KAZN: variants seen among roughly 807,000 people sequenced by gnomAD.
KAZN encodes kazrin.
A neutral mutation model predicts 87.4 loss-of-function variants in KAZN; 40 were observed. The observed-to-expected ratio is 0.46, with a 90% CI of 0.36 to 0.60. The LOEUF (loss-of-function observed/expected upper bound fraction) is 0.60, where lower values mean the gene tolerates loss of function less well. Ranked by LOEUF, KAZN falls within the 20% of genes least tolerant of loss-of-function variation. The pLI, the probability that KAZN is intolerant of heterozygous loss-of-function variation, is 0.00. For missense variants in KAZN, 898 were observed against 1,073.9 expected, an observed-to-expected ratio of 0.84 and a Z score of 2.29; for synonymous variants, 466 against 458.3, an observed-to-expected ratio of 1.02 and a Z score of -0.22.
intron 2 of KAZN, among the ~76,000 whole-genome samples, chr1:14,962,045 G>A (rs1557664897): frequency 6.6e-6 from 1 of 152,216 alleles, no homozygotes. Flanking sequence ...TAGCTAGGTG[G>A]CCTTGTCCCA....
At chr1:14,855,679 A>G (rs531868965) in intron 1 of KAZN, among the ~76,000 whole-genome samples, 4 of 152,322 alleles carry the variant, frequency 2.6e-5, no homozygotes, top group African/African-American at 9.6e-5. Flanking sequence ...ACTAGCTCAT[A>G]TTGAACTGCT....
At chr1:14,241,550 C>G (rs906518940) in intron 2 of KAZN, among the ~76,000 whole-genome samples, 2 of 152,186 alleles carry the variant, frequency 1.3e-5, no homozygotes, top group African/African-American at 4.8e-5. Flanking sequence ...AAGGACTTAG[C>G]ATTCATTTCT....
intron 2 of KAZN, among the ~76,000 whole-genome samples, chr1:14,244,233 C>T (rs2100587608): frequency 6.6e-6 from 1 of 152,268 alleles, no homozygotes; most frequent in Non-Finnish European, 1.5e-5. Context: ...ATCATTTTTG[C>T]TCTGAGTCCT....
chr1:14,600,347 T>G (rs934576644), intron 1 of KAZN, among the ~76,000 whole-genome samples: 2 of 152,172 alleles, frequency 1.3e-5, no homozygotes, highest in Non-Finnish European at 2.9e-5. Context: ...GAGTCTGTTT[T>G]CCTAAGAATC....
intron 1 of KAZN, among the ~76,000 whole-genome samples, chr1:14,826,775 A>G (rs1481994421): frequency 6.6e-6 from 1 of 152,086 alleles, no homozygotes; most frequent in Admixed American, 6.5e-5. Context: ...CCTGTTTCCC[A>G]TTGGTAAGCC....
intron 2 of KAZN, among the ~76,000 whole-genome samples, chr1:14,550,007 GA>G (rs1295664859): frequency 1.3e-5 from 2 of 152,228 alleles, no homozygotes; most frequent in Non-Finnish European, 2.9e-5. Context: ...AAGATTTTCA[GA>G]TTCAAAATGA....
At chr1:15,053,900 G>A (rs1674672605) in intron 4 of KAZN, among the ~76,000 whole-genome samples, 1 of 152,234 alleles carries the variant, frequency 6.6e-6, no homozygotes, top group African/African-American at 2.4e-5. Context: ...CCTGGAAGCT[G>A]GCAGTGGGAG....
At chr1:14,979,671 C>T (rs1429381031) in intron 2 of KAZN, among the ~76,000 whole-genome samples, 5 of 151,820 alleles carry the variant, frequency 3.3e-5, no homozygotes, top group Non-Finnish European at 7.4e-5. Flanking sequence ...GGGAAGGGGC[C>T]CTGAGGACTT....
At position 14,523,853 on chromosome 1, in the gene KAZN, T is replaced by G. The variant is rs1181161687; in HGVS notation, c.250-75130T>G. Among the ~76,000 whole-genome samples the G allele has an allele frequency of 3.3e-4, 50 of 152,128 alleles. 1 individual carries two copies. The highest frequency in any genetic ancestry group is 3.3e-3 in the Admixed American group (50 of 15,266). On this transcript the variant is annotated intron_variant, in intron 2 of 16. Transcript: ENST00000636203. ...GAGACCATGATGTTGAGGAAGGGGC[T>G]CAAGGGGGCTTACAGACATGGCAGA...
At chr1:14,044,148 A>G (rs1185031538) in intron 1 of KAZN, among the ~76,000 whole-genome samples, 2 of 152,022 alleles carry the variant, frequency 1.3e-5, no homozygotes, top group African/African-American at 2.4e-5. Context: ...TTGAGTCTCC[A>G]TCTGACTCCA....
rs1652490542 is a variant in KAZN at position 14,874,209 on chromosome 1, G to T, written c.227-86475G>T. Among the ~76,000 whole-genome samples, 4 of 152,300 alleles carry T rather than the reference G, an allele frequency of 2.6e-5. No individual in the cohort carries two copies. In the South Asian group the frequency reaches 8.3e-4, roughly 32 times the overall value. Reference sequence around the variant, plus strand: ...AGTACAGATAGAGAATCCAAGGATTGAGCTCTGGAGTCCTCCAACATTTGG... The same window carrying T: ...AGTACAGATAGAGAATCCAAGGATTTAGCTCTGGAGTCCTCCAACATTTGG... On this transcript the variant is annotated intron_variant, in intron 1 of 14. Coordinates refer to ENST00000376030, the MANE Select transcript of KAZN (RefSeq NM_201628.3).
At chr1:14,235,672 A>C (rs1170588524) in intron 2 of KAZN, among the ~76,000 whole-genome samples, 1 of 152,232 alleles carries the variant, frequency 6.6e-6, no homozygotes, top group Non-Finnish European at 1.5e-5. Context: ...TAAAGATGAC[A>C]TAGTGACATT....
rs533922366 is a variant in KAZN at position 14,434,635 on chromosome 1, T to C, written c.250-164348T>C. Among the ~76,000 whole-genome samples the C allele has an allele frequency of 2.7e-4, 41 of 152,268 alleles. No individual in the cohort carries two copies. The South Asian group carries it at 8.1e-3, about 30-fold the overall frequency. On this transcript the variant is annotated intron_variant, in intron 2 of 16. Coordinates refer to the KAZN transcript ENST00000636203. ...CTGGGGAGCAGGAAGCAGGACCATT[T>C]TGGGAAACCTTAGAATGGAGAAGAG...
intron 2 of KAZN, among the ~76,000 whole-genome samples, chr1:14,468,383 A>G (rs754274640): frequency 5.3e-5 from 8 of 152,156 alleles, no homozygotes; most frequent in Non-Finnish European, 7.3e-5. Context: ...GGTCTTACTC[A>G]AGCCATGAAA....
intron 1 of KAZN, among the ~76,000 whole-genome samples, chr1:14,711,165 C>T (rs2148820782): frequency 6.6e-6 from 1 of 152,232 alleles, no homozygotes; most frequent in African/African-American, 2.4e-5. Context: ...TGCCCTCCAG[C>T]CTGGGGGACA....
rs1232916922 is a variant in KAZN, at chr1:14,836,947, C to T, written c.227-123737C>T. Among the ~76,000 whole-genome samples the T allele has an allele frequency of 3.9e-5, 6 of 152,280 alleles. No homozygotes were observed. In the South Asian group the frequency reaches 8.3e-4, roughly 21 times the overall value. ...TGCAGGTGCTTCCCGTCCACTCCTC[C>T]GCCCCCAGGTAACCGCCTTCCTGAA... On this transcript the variant is annotated intron_variant, in intron 1 of 14. Transcript: ENST00000376030.
chr1:14,698,068 T>C (rs927304834), intron 1 of KAZN, among the ~76,000 whole-genome samples: 1 of 152,214 alleles, frequency 6.6e-6, no homozygotes, highest in African/African-American at 2.4e-5. Flanking sequence ...CCTATGTCCT[T>C]AGTTCTCCAG....
Position 14,266,294 on chromosome 1 carries a change from C to A in KAZN, c.249+85702C>A, listed in dbSNP as rs189278442. Among the ~76,000 whole-genome samples, 617 of 152,282 alleles carry A rather than the reference C, an allele frequency of 4.1e-3. 2 individuals carry two copies. The highest frequency in any genetic ancestry group is 5.6e-3 in the Non-Finnish European group (382 of 68,042). ...AGGTTAAAACCCAGCACTTTTGCTT[C>A]GAGAAGAAATATAACCAAATTCAGT... On this transcript the variant is annotated intron_variant, in intron 2 of 16. Transcript: ENST00000636203.
At chr1:14,379,423 G>GCACCA (rs1012781605) in intron 2 of KAZN, among the ~76,000 whole-genome samples, 1 of 151,744 alleles carries the variant, frequency 6.6e-6, no homozygotes, top group African/African-American at 2.4e-5. Flanking sequence ...GAGAAGTAAA[G>GCACCA]CACCAAGCAG....
Sources: gnomAD v4.1 joint callset for allele counts (sites outside exome capture counted in the v4.1 genomes callset) on GRCh38, gnomAD v4.1.1 for gene constraint, MANE v1.5 for transcripts, NCBI Gene and HGNC (gene_info 2026-07-23, HGNC 2026-07-21) for gene names.